DIP2B: variants seen among roughly 807,000 people sequenced by gnomAD.
DIP2B encodes the protein disco-interacting protein 2 homolog B.
Under a neutral mutation model 198.0 loss-of-function variants are expected in DIP2B, and 76 were observed. The observed-to-expected ratio is 0.38, with a 90% CI of 0.32 to 0.46. The LOEUF (loss-of-function observed/expected upper bound fraction) is 0.46. DIP2B is among the 20% of genes least tolerant of loss of function. The probability of loss-of-function intolerance (pLI) is 0.99; values close to 1 mark genes in which losing one functional copy is unlikely to be tolerated. For missense variants in DIP2B, 1,559 were observed against 1,978.4 expected (o/e 0.79, Z 4.02); for synonymous variants, 701 against 739.1 (o/e 0.95, Z 0.84).
chr12:50,565,567 C>T (rs1396494468), intron 1 of DIP2B, among the ~76,000 whole-genome samples: 1 of 152,126 alleles, frequency 6.6e-6, no homozygotes, highest in African/African-American at 2.4e-5. Flanking sequence ...ATCATGTTCC[C>T]ATATTTCCAT....
chr12:50,720,520 C>T (rs1300742831), intron 25 of DIP2B, among the ~76,000 whole-genome samples: 4 of 151,678 alleles, frequency 2.6e-5, no homozygotes, highest in African/African-American at 4.9e-5. Context: ...ATCTTAAGAA[C>T]CATTACTTTT....
rs1939305970 is a variant in DIP2B at position 50,696,045 on chromosome 12, T to A, written c.1933+78T>A. 3 of 1,575,962 alleles carry A rather than the reference T, an allele frequency of 1.9e-6. No individual in the cohort carries two copies. The East Asian group carries it at 6.8e-5, about 36-fold the overall frequency. Reference sequence around the variant, plus strand: ...GGGTTTTTCGCCCTGTACTAAGATATAATTCACATACTGAAAAACTCACTC... The same window carrying A: ...GGGTTTTTCGCCCTGTACTAAGATAAAATTCACATACTGAAAAACTCACTC... On this transcript the variant is annotated intron_variant, in intron 16 of 37. Coordinates refer to ENST00000301180, the MANE Select transcript of DIP2B (RefSeq NM_173602.3).
intron 1 of DIP2B, among the ~76,000 whole-genome samples, chr12:50,625,658 A>G (rs1333993237): frequency 6.6e-6 from 1 of 152,202 alleles, no homozygotes; most frequent in Non-Finnish European, 1.5e-5. Flanking sequence ...GCCTTGCTGC[A>G]TTCCATTTTG....
intron 37 of DIP2B, chr12:50,743,536 C>T (rs1441386772): frequency 6.6e-6 from 1 of 152,182 alleles, no homozygotes; most frequent in African/African-American, 2.4e-5. Context: ...CAGACAGACA[C>T]TCTTCCTGTT....
At chr12:50,728,346 T>TAA (rs888341228) in intron 29 of DIP2B, among the ~76,000 whole-genome samples, 1 of 143,824 alleles carries the variant, frequency 7.0e-6, no homozygotes, top group East Asian at 2.0e-4. Flanking sequence ...AAACTCCATC[T>TAA]AAAAAAAAAA....
At chr12:50,695,391 A>G in intron 15 of DIP2B, 31 bp downstream of exon 15, 6 of 1,570,050 alleles carry the variant, frequency 3.8e-6, no homozygotes, top group Non-Finnish European at 5.3e-6. Context: ...AGCTTTAATT[A>G]TGTGACTGTT....
chr12:50,605,443 A>T (rs925614567), intron 1 of DIP2B, among the ~76,000 whole-genome samples: 19 of 152,130 alleles, frequency 1.2e-4, no homozygotes, highest in Non-Finnish European at 2.4e-4. Context: ...GTGTGTCCGT[A>T]GTCCCGCTAC....
In DIP2B at chr12:50,714,407, A is replaced by T. The variant is rs780975127; in HGVS notation, c.2662A>T (p.Ile888Phe). ...TGTATTTTTCTAGGCGATCGATAGC[A>T]TTCATCAAGTGGGGGTTTATTGTCT... ...MSRVLQAIDS[I>F]HQVGVYCLAL... The change falls in exon 23 of 38, where the codon ATT becomes TTT. Residue 888 changes from isoleucine (I) to phenylalanine (F), a missense_variant. Physicochemically the swap from Ile to Phe is conservative, Grantham distance 21. Transcript: ENST00000301180. The T allele has an allele frequency of 1.2e-6, 2 of 1,614,124 alleles. No individual in the cohort carries two copies. The highest frequency in any genetic ancestry group is 2.2e-5 in the South Asian group (2 of 91,090).
intron 19 of DIP2B, among the ~76,000 whole-genome samples, chr12:50,700,297 G>A (rs943575483): frequency 2.6e-5 from 4 of 152,130 alleles, no homozygotes; most frequent in Admixed American, 1.3e-4. Context: ...GAACAGGGGC[G>A]GTTAATTGTC....
intron 1 of DIP2B, among the ~76,000 whole-genome samples, chr12:50,599,291 C>CA (rs531175439): frequency 0.015 from 1,509 of 99,692 alleles, 11 homozygotes; most frequent in Non-Finnish European, 0.019. Context: ...GACCCTGTCT[C>CA]AAAAAAAAAA....
intron 37 of DIP2B, chr12:50,743,596 A>T (rs957019610): frequency 1.3e-5 from 2 of 152,242 alleles, no homozygotes. Context: ...GAGTTAATTT[A>T]ATTGATTGTT....
At chr12:50,559,313 C>CTT (rs11301460) in intron 1 of DIP2B, among the ~76,000 whole-genome samples, 5,881 of 122,836 alleles carry the variant, frequency 0.048, 323 homozygotes, top group East Asian at 0.2. Flanking sequence ...AATTATTTGT[C>CTT]TTTTTTTTTT....
At chr12:50,534,437 ATCTCGGTTC>A in intron 1 of DIP2B, among the ~76,000 whole-genome samples, 1 of 141,882 alleles carries the variant, frequency 7.0e-6, no homozygotes, top group Admixed American at 7.6e-5. Context: ...TAGTAGCGCA[ATCTCGGTTC>A]ACTGCAACCT....
intron 1 of DIP2B, among the ~76,000 whole-genome samples, chr12:50,554,758 C>T (rs12296379): frequency 0.13 from 19,219 of 151,240 alleles, 2,365 homozygotes; most frequent in East Asian, 0.31. Context: ...CATCTCGCCG[C>T]TCCCCCCCCG....
chr12:50,686,752 A>C, intron 12 of DIP2B, 70 bp downstream of exon 12: 1 of 1,455,872 alleles, frequency 6.9e-7, no homozygotes, highest in African/African-American at 1.4e-5. Context: ...TTCAAAATAT[A>C]AAACTGAATT....
intron 3 of DIP2B, among the ~76,000 whole-genome samples, chr12:50,648,930 G>A (rs951040574): frequency 3.3e-5 from 5 of 152,036 alleles, no homozygotes; most frequent in Admixed American, 2.6e-4. Flanking sequence ...GATATAAAGC[G>A]AGTACAGAAA....
At chr12:50,684,743 G>A (rs1329943903) in intron 10 of DIP2B, among the ~76,000 whole-genome samples, 1 of 152,094 alleles carries the variant, frequency 6.6e-6, no homozygotes, top group Non-Finnish European at 1.5e-5. Context: ...AGTGAGTCAA[G>A]ATTGCGCCAC....
chr12:50,516,450 C>T (rs888820168), intron 1 of DIP2B, among the ~76,000 whole-genome samples: 15 of 151,928 alleles, frequency 9.9e-5, no homozygotes, highest in Non-Finnish European at 1.5e-4. Context: ...GATGGGGTCT[C>T]GTTATGTTTC....
intron 14 of DIP2B, among the ~76,000 whole-genome samples, chr12:50,693,484 A>T (rs1419110678): frequency 6.6e-6 from 1 of 152,190 alleles, no homozygotes; most frequent in Non-Finnish European, 1.5e-5. Context: ...GAGAAAAAAA[A>T]TACAGGGTTA....
Sources: allele counts gnomAD v4.1 joint callset (sites outside exome capture counted in the v4.1 genomes callset), GRCh38; gene constraint gnomAD v4.1.1; transcripts MANE v1.5; gene names NCBI Gene and HGNC (gene_info 2026-07-23, HGNC 2026-07-21).